Variants in GRM7 observed in about 807,000 individuals in gnomAD.
GRM7 encodes the protein metabotropic glutamate receptor 7.
GRM7 carries 35 observed loss-of-function variants against 84.5 expected under a neutral mutation model. The ratio of observed to expected loss-of-function variants is 0.41; its 90% CI spans 0.32 to 0.55. The LOEUF is 0.55. Ranked by LOEUF, GRM7 falls within the 20% of genes least tolerant of loss-of-function variation. The pLI, the probability that GRM7 is intolerant of heterozygous loss-of-function variation, is 0.19. For synonymous variants in GRM7, 487 were observed against 455.1 expected, an observed-to-expected ratio of 1.07 and a Z score of -0.89; for missense variants, 1,003 against 1,194.6, an observed-to-expected ratio of 0.84 and a Z score of 2.36.
At chr3:7,032,054 T>C (rs1696207538) in intron 1 of GRM7, among the ~76,000 whole-genome samples, 1 of 152,238 alleles carries the variant, frequency 6.6e-6, no homozygotes, top group Non-Finnish European at 1.5e-5. Flanking sequence ...TAATATTACA[T>C]TTGAAGTGCC....
chr3:7,532,121 A>T (rs1419878765), intron 7 of GRM7, among the ~76,000 whole-genome samples: 1 of 152,196 alleles, frequency 6.6e-6, no homozygotes, highest in East Asian at 1.9e-4. Context: ...TATCAGGATG[A>T]TACTGGCCTC....
At chr3:7,060,355 G>A (rs1697393648) in intron 1 of GRM7, among the ~76,000 whole-genome samples, 1 of 151,768 alleles carries the variant, frequency 6.6e-6, no homozygotes, top group Non-Finnish European at 1.5e-5. Context: ...TTGCATTTGG[G>A]TGGGGCTATA....
At chr3:7,704,873 G>C (rs992177444) in intron 9 of GRM7, among the ~76,000 whole-genome samples, 6 of 152,166 alleles carry the variant, frequency 3.9e-5, no homozygotes, top group South Asian at 4.1e-4. Flanking sequence ...CAGGTGGATA[G>C]AGAACCTCCT....
intron 1 of GRM7, among the ~76,000 whole-genome samples, chr3:7,123,636 A>G (rs938590177): frequency 2.0e-5 from 3 of 151,906 alleles, no homozygotes; most frequent in African/African-American, 7.3e-5. Context: ...AAAAAAAAAA[A>G]GTGGGATGCA....
intron 9 of GRM7, among the ~76,000 whole-genome samples, chr3:7,736,903 T>A (rs1702520787): frequency 6.6e-6 from 1 of 152,202 alleles, no homozygotes; most frequent in African/African-American, 2.4e-5. Flanking sequence ...ATATAGTTAA[T>A]AAGCTACAGT....
intron 9 of GRM7, among the ~76,000 whole-genome samples, chr3:7,730,842 G>C (rs1445907115): frequency 6.6e-6 from 1 of 152,130 alleles, no homozygotes; most frequent in Non-Finnish European, 1.5e-5. Context: ...ATGCACAAAA[G>C]CTTTTCAGTG....
intron 9 of GRM7, among the ~76,000 whole-genome samples, chr3:7,730,775 A>G (rs1032148446): frequency 3.9e-5 from 6 of 152,344 alleles, no homozygotes; most frequent in African/African-American, 1.4e-4. Context: ...GTATGATTGC[A>G]CTGCATTCAT....
At chr3:7,146,030 ACC>A (rs1694099872) in intron 1 of GRM7, among the ~76,000 whole-genome samples, 1 of 152,172 alleles carries the variant, frequency 6.6e-6, no homozygotes, top group African/African-American at 2.4e-5. Flanking sequence ...AATGATATCC[ACC>A]CAGTATTCAC....
intron 4 of GRM7, among the ~76,000 whole-genome samples, chr3:7,350,782 C>T (rs1693106346): frequency 6.6e-6 from 1 of 151,978 alleles, no homozygotes; most frequent in South Asian, 2.1e-4. Flanking sequence ...AGAGTCTTCT[C>T]CGATGGTGCT....
At chr3:7,294,745 C>G (rs373967530) in intron 2 of GRM7, among the ~76,000 whole-genome samples, 1 of 152,086 alleles carries the variant, frequency 6.6e-6, no homozygotes, top group Non-Finnish European at 1.5e-5. Flanking sequence ...CACCTGGGAA[C>G]CTGTTCCAAT....
chr3:7,213,085 T>C (rs964899107), intron 2 of GRM7, among the ~76,000 whole-genome samples: 2 of 152,216 alleles, frequency 1.3e-5, no homozygotes, highest in Non-Finnish European at 2.9e-5. Context: ...ACCTCCCCCA[T>C]GCTCTCACTG....
chr3:7,083,622 C>G (rs1241254518), intron 1 of GRM7, among the ~76,000 whole-genome samples: 3 of 152,064 alleles, frequency 2.0e-5, no homozygotes, highest in Non-Finnish European at 2.9e-5. Flanking sequence ...CTGATTCATC[C>G]AATAGTGTAT....
At chr3:6,919,586 A>T (rs1697055749) in intron 1 of GRM7, among the ~76,000 whole-genome samples, 2 of 149,116 alleles carry the variant, frequency 1.3e-5, no homozygotes, top group Non-Finnish European at 3.0e-5. Context: ...TTTTTTGGAC[A>T]CGCTGATCAG....
chr3:7,099,365 TAC>T (rs1412543701), intron 1 of GRM7, among the ~76,000 whole-genome samples: 3 of 148,172 alleles, frequency 2.0e-5, no homozygotes, highest in East Asian at 2.0e-4. Flanking sequence ...TACACATGTA[TAC>T]ATATATACAT....
intron 4 of GRM7, among the ~76,000 whole-genome samples, chr3:7,323,185 T>C (rs1700853500): frequency 6.6e-6 from 1 of 152,166 alleles, no homozygotes; most frequent in Non-Finnish European, 1.5e-5. Context: ...GAATGAGTTA[T>C]AAATAACTTT....
Position 6,863,951 on chromosome 3 carries a change from CA to C in GRM7, c.519+2045del, listed in dbSNP as rs761208163. Among the ~76,000 whole-genome samples, 1 of 151,936 alleles carries C rather than the reference CA, an allele frequency of 6.6e-6. No homozygotes were observed. The highest frequency in any genetic ancestry group is 1.5e-5 in the Non-Finnish European group (1 of 68,002). ...GGACTGTGTTTGCTGAAAAATATTC[CA>C]GGGGGAGCTGATTCCTTCTCTGGTG... On this transcript the variant is annotated intron_variant, in intron 1 of 9. Transcript: ENST00000357716. The surrounding 1 kb of genome is among the most constrained non-coding windows in gnomAD (Gnocchi z 4.8).
intron 4 of GRM7, among the ~76,000 whole-genome samples, chr3:7,311,104 C>T (rs944690419): frequency 6.6e-6 from 1 of 152,000 alleles, no homozygotes; most frequent in African/African-American, 2.4e-5. Flanking sequence ...CCTTTATGAA[C>T]AAGTTCTAGA....
chr3:7,717,392 G>T (rs1459051920), intron 9 of GRM7, among the ~76,000 whole-genome samples: 1 of 152,074 alleles, frequency 6.6e-6, no homozygotes, highest in African/African-American at 2.4e-5. Context: ...AATTGCACAG[G>T]TGGTTGCGGA....
At chr3:7,310,664 T>C (rs1435072432) in intron 4 of GRM7, among the ~76,000 whole-genome samples, 2 of 152,234 alleles carry the variant, frequency 1.3e-5, no homozygotes, top group African/African-American at 4.8e-5. Context: ...AGATACTGCA[T>C]GATAAACCTG....
Sources: allele counts gnomAD v4.1 joint callset (sites outside exome capture counted in the v4.1 genomes callset), GRCh38; gene constraint gnomAD v4.1.1; non-coding constraint Gnocchi (gnomAD v3.1); transcripts MANE v1.5; gene names NCBI Gene and HGNC (gene_info 2026-07-23, HGNC 2026-07-21).